Variants in COL19A1 observed in about 807,000 individuals in gnomAD.
COL19A1 encodes the protein collagen alpha-1(XIX) chain.
COL19A1 carries 159 observed loss-of-function variants against 190.2 expected under a neutral mutation model. The ratio of observed to expected loss-of-function variants is 0.84; its 90% confidence interval spans 0.73 to 0.95. The LOEUF (loss-of-function observed/expected upper bound fraction) is 0.95, where lower values mean the gene tolerates loss of function less well. Among genes scored for constraint, COL19A1 ranks in the 40% least tolerant of loss-of-function variants. The probability of loss-of-function intolerance (pLI) is 0.00; values close to 1 mark genes in which losing one functional copy is unlikely to be tolerated. For synonymous variants in COL19A1, 509 were observed against 458.9 expected (o/e 1.11, Z -1.39); for missense variants, 1,418 against 1,431.9 (o/e 0.99, Z 0.16).
intron 12 of COL19A1, among the ~76,000 whole-genome samples, chr6:70,031,957 A>G (rs1779098887): frequency 6.6e-6 from 1 of 152,214 alleles, no homozygotes; most frequent in Non-Finnish European, 1.5e-5. Flanking sequence ...TTAAAAAGCG[A>G]TAAGGAAGAC....
intron 11 of COL19A1, among the ~76,000 whole-genome samples, chr6:70,017,423 T>C (rs1012117258): frequency 7.9e-5 from 12 of 152,144 alleles, no homozygotes; most frequent in Non-Finnish European, 1.8e-4. Flanking sequence ...CAGACCTATA[T>C]AAATTTACTA....
intron 27 of COL19A1, among the ~76,000 whole-genome samples, chr6:70,147,521 A>G (rs1786744647): frequency 6.6e-6 from 1 of 152,180 alleles, no homozygotes; most frequent in Non-Finnish European, 1.5e-5. Flanking sequence ...AGAAAAGTGG[A>G]AATAAATGGT....
chr6:69,953,816 C>T (rs1014597419), intron 9 of COL19A1, among the ~76,000 whole-genome samples: 3 of 151,822 alleles, frequency 2.0e-5, no homozygotes, highest in African/African-American at 7.3e-5. Context: ...GCTTCTAGCA[C>T]GTAAATATTA....
intron 4 of COL19A1, among the ~76,000 whole-genome samples, chr6:69,913,957 T>TAA (rs78628399): frequency 1.4e-5 from 2 of 140,290 alleles, no homozygotes; most frequent in South Asian, 2.3e-4. Flanking sequence ...AATCCAGGGT[T>TAA]AAAAAAAAAA....
chr6:69,901,694 A>C (rs1770201200), intron 4 of COL19A1, among the ~76,000 whole-genome samples: 1 of 152,262 alleles, frequency 6.6e-6, no homozygotes, highest in African/African-American at 2.4e-5. Context: ...GATGTTTCTT[A>C]ACTAGGAGTA....
At chr6:70,092,439 T>C (rs1307793363) in intron 15 of COL19A1, among the ~76,000 whole-genome samples, 1 of 152,156 alleles carries the variant, frequency 6.6e-6, no homozygotes, top group Non-Finnish European at 1.5e-5. Flanking sequence ...CTTAATATAT[T>C]TTCCCCAACA....
intron 11 of COL19A1, among the ~76,000 whole-genome samples, chr6:69,997,026 T>TATATATATATATAG (rs576813975): frequency 5.0e-4 from 74 of 146,964 alleles, no homozygotes; most frequent in African/African-American, 1.7e-3. Context: ...TATATATATA[T>TATATATATATATAG]AGAGAGAGAG....
chr6:70,080,674 C>A lies in COL19A1; in HGVS notation c.1224+12198C>A, dbSNP rs142666211. 1.7e-3 allele frequency among the ~76,000 whole-genome samples: 260 copies of A among 152,254 alleles called. 3 individuals are homozygous for A. Among genetic ancestry groups the A allele is most frequent in the Non-Finnish European group, 8.1e-4 (55 of 68,002 alleles). On this transcript the variant is annotated intron_variant, in intron 15 of 50. Transcript: ENST00000620364. ...TTCTTATCTTTATTGCTTTTGGCAA[C>A]TTTCACGTTTTATGTCTCTGTGCAC...
intron 30 of COL19A1, among the ~76,000 whole-genome samples, chr6:70,150,523 G>T (rs547821363): frequency 6.6e-6 from 1 of 152,106 alleles, no homozygotes; most frequent in East Asian, 1.9e-4. Flanking sequence ...AGGCACAAAT[G>T]TGTGTTTCAA....
intron 1 of COL19A1, among the ~76,000 whole-genome samples, chr6:69,876,617 C>T (rs963920726): frequency 1.3e-5 from 2 of 152,182 alleles, no homozygotes; most frequent in African/African-American, 4.8e-5. Flanking sequence ...AGAGAAGGTA[C>T]ATAGCTTTTC....
At chr6:70,068,400 C>T (rs1447675149) in intron 14 of COL19A1, 23 bp from the exon 15 acceptor site, 1 of 1,477,508 alleles carries the variant, frequency 6.8e-7, no homozygotes, top group Admixed American at 1.7e-5. Flanking sequence ...AGTGTATTAA[C>T]ATGTGTCTCT....
chr6:69,953,369 GA>G (rs5877237), intron 9 of COL19A1, among the ~76,000 whole-genome samples: 16,091 of 151,878 alleles, frequency 0.11, 955 homozygotes, highest in Middle Eastern at 0.16. Context: ...TGACCACAAA[GA>G]AAACAGTTTT....
At chr6:70,172,941 A>G (rs1765583531) in intron 41 of COL19A1, among the ~76,000 whole-genome samples, 2 of 152,210 alleles carry the variant, frequency 1.3e-5, no homozygotes, top group Admixed American at 6.5e-5. Context: ...GAGCAGAAAC[A>G]GTGGAGATAG....
At chr6:70,033,176 A>C (rs74982023) in intron 12 of COL19A1, among the ~76,000 whole-genome samples, 2,085 of 152,236 alleles carry the variant, frequency 0.014, 55 homozygotes, top group African/African-American at 0.048. Flanking sequence ...TAATACTACA[A>C]TTTTCACACA....
Position 70,140,986 on chromosome 6 carries a change from T to C in COL19A1, c.1479T>C (p.Asp493=), listed in dbSNP as rs1786214803. The C allele has an allele frequency of 1.2e-6, 2 of 1,608,956 alleles. No homozygotes were observed. The highest frequency in any genetic ancestry group is 1.7e-6 in the Non-Finnish European group (2 of 1,176,372). Reference sequence around the variant, plus strand: ...CTTTTACAAAAGGAGAAAAAGGAGATAGAGTAAGTAGATATTTTATCACTA... The same window carrying C: ...CTTTTACAAAAGGAGAAAAAGGAGACAGAGTAAGTAGATATTTTATCACTA... ...GEPFTKGEKG[D]RGEPGVIGSQ... is the part of the protein sequence containing the mutation. Residue 493 remains aspartate, a synonymous_variant, in exon 20 of 51, where the codon GAT becomes GAC. Coordinates refer to ENST00000620364, the MANE Select transcript of COL19A1 (RefSeq NM_001858.6).
At chr6:69,938,154 T>TG in intron 9 of COL19A1, 54 bp downstream of exon 9, 1 of 1,524,086 alleles carries the variant, frequency 6.6e-7, no homozygotes, top group East Asian at 2.3e-5. Context: ...AAAAAATGAC[T>TG]TAAAAATGTG....
intron 46 of COL19A1, among the ~76,000 whole-genome samples, chr6:70,185,670 T>C (rs1198562415): frequency 6.6e-6 from 1 of 152,176 alleles, no homozygotes; most frequent in Admixed American, 6.5e-5. Flanking sequence ...TCTACTAGAA[T>C]TAATTTCCAC....
intron 14 of COL19A1, among the ~76,000 whole-genome samples, chr6:70,056,552 A>T (rs544156268): frequency 3.9e-5 from 6 of 152,254 alleles, no homozygotes; most frequent in African/African-American, 1.4e-4. Context: ...ATTGAGCCTT[A>T]TGATCTATGA....
At position 69,994,274 on chromosome 6, in the gene COL19A1, C is replaced by G. The variant is rs184492473; in HGVS notation, c.1027-29353C>G. ...TTTTAATGATGTTAAATTCCTAGCT[C>G]TTTTCATCTTGTTCACTCTAATTGA... On this transcript the variant is annotated intron_variant, in intron 11 of 50. Transcript: ENST00000620364. Among the ~76,000 whole-genome samples the G allele has an allele frequency of 9.3e-4, 142 of 152,220 alleles. 2 individuals carry two copies. Among genetic ancestry groups the G allele is most frequent in the Admixed American group, 8.9e-3 (136 of 15,260 alleles).
Sources: allele counts gnomAD v4.1 joint callset (sites outside exome capture counted in the v4.1 genomes callset), GRCh38; gene constraint gnomAD v4.1.1; transcripts MANE v1.5; gene names NCBI Gene and HGNC (gene_info 2026-07-23, HGNC 2026-07-21).